DUSP19: variants seen among roughly 807,000 people sequenced by gnomAD.
DUSP19 encodes the protein dual specificity phosphatase 19, also known as dual specificity protein phosphatase 19.
In DUSP19, 14 loss-of-function variants were observed where a neutral mutation model predicts 16.6. That is an observed-to-expected ratio of 0.84 (90% CI 0.56 to 1.32). The LOEUF is 1.32. Ranked by LOEUF, DUSP19 falls within the 40% of genes most tolerant of loss-of-function variation. The pLI, the probability that DUSP19 is intolerant of heterozygous loss-of-function variation, is 0.00. For synonymous variants in DUSP19, 81 were observed against 90.5 expected (o/e 0.90, Z 0.59); for missense variants, 258 against 255.9 (o/e 1.01, Z -0.06).
chr2:183,080,627 C>T (rs1699581206), intron 1 of DUSP19, among the ~76,000 whole-genome samples: 1 of 152,120 alleles, frequency 6.6e-6, no homozygotes, highest in South Asian at 2.1e-4. Context: ...ATATATCATT[C>T]ACCAATTTAG....
In DUSP19 at chr2:183,084,656, A is replaced by G. The variant is rs1699637952; in HGVS notation, c.273+1102A>G. 2.0e-5 allele frequency among the ~76,000 whole-genome samples: 3 copies of G among 152,140 alleles called. No homozygotes were observed. The South Asian group carries it at 6.2e-4, about 32-fold the overall frequency. On this transcript the variant is annotated intron_variant, in intron 2 of 3. Transcript: ENST00000354221. ...TAGTTGTGTGGACTTGATCCAAAAG[A>G]CTATGGAAAGCCACTGAGAAGTTAC...
chr2:183,088,616 T>C (rs1699694483), intron 3 of DUSP19, among the ~76,000 whole-genome samples: 1 of 151,876 alleles, frequency 6.6e-6, no homozygotes. Flanking sequence ...AGAGACAGGG[T>C]TTCACCGTGT....
rs1231761742 is a variant in DUSP19 at position 183,098,957 on chromosome 2, GAGTAC to G, written c.*3304_*3308del. On this transcript the variant is annotated 3_prime_UTR_variant, in exon 4 of 4. Coordinates refer to ENST00000354221, the MANE Select transcript of DUSP19 (RefSeq NM_080876.4). ...AAAGACAAATATTTCAGAGGAAGTG[GAGTAC>G]AGTATTTAACATTTTGTTTGCAATT... 6.6e-6 allele frequency: 1 copy of G among 152,068 alleles called. No individual in the cohort carries two copies. The highest frequency in any genetic ancestry group is 1.5e-5 in the Non-Finnish European group (1 of 67,994). The allele number at this position is 152,068 out of a possible 1,614,324, so 9.4% of individuals were successfully genotyped here. A position where few individuals can be genotyped will look rare whatever the true frequency, so the allele number is the denominator to read the frequency against.
intron 2 of DUSP19, among the ~76,000 whole-genome samples, chr2:183,085,953 C>A (rs1396576090): frequency 7.7e-6 from 1 of 130,690 alleles, no homozygotes; most frequent in Non-Finnish European, 1.6e-5. Context: ...GCAACCTTTA[C>A]CTCCTGGGTT....
intron 3 of DUSP19, among the ~76,000 whole-genome samples, chr2:183,088,496 C>T (rs1422077361): frequency 1.6e-5 from 2 of 121,308 alleles, no homozygotes; most frequent in African/African-American, 6.3e-5. Flanking sequence ...ACCTCCGGCT[C>T]ACTGCAACCT....
intron 3 of DUSP19, among the ~76,000 whole-genome samples, chr2:183,088,445 C>T (rs1378048742): frequency 5.2e-5 from 6 of 115,742 alleles, no homozygotes; most frequent in African/African-American, 1.7e-4. Flanking sequence ...CTCACTCTGT[C>T]GCCAGGCTGG....
rs1307729735 is a variant in DUSP19 at position 183,095,412 on chromosome 2, TTTG to T, written c.427-16_427-14del. On this transcript the variant is annotated splice_polypyrimidine_tract_variant and intron_variant, in intron 3 of 3. Transcript: ENST00000354221. ...CTCAAATGAATAATGAAGATTTTTGTTTGTTTTTTTTTTTGTAGGATGGAGTGG... is the reference window on the plus strand; with the variant it reads ...CTCAAATGAATAATGAAGATTTTTGTTTTTTTTTTTTGTAGGATGGAGTGG... 1.3e-6 allele frequency: 2 copies of T among 1,562,926 alleles called. No homozygotes were observed. The highest frequency in any genetic ancestry group is 1.7e-6 in the Non-Finnish European group (2 of 1,158,896).
At position 183,086,098 on chromosome 2, in the gene DUSP19, A is replaced by G. The variant is rs1699658853; in HGVS notation, c.274-942A>G. On this transcript the variant is annotated intron_variant, in intron 2 of 3. Coordinates refer to ENST00000354221, the MANE Select transcript of DUSP19 (RefSeq NM_080876.4). ...GGAGGTTGCTCAAGTGTACCATCTG[A>G]AAGAAAATATTTTACAACCACACCT... Among the ~76,000 whole-genome samples, 3 of 151,874 alleles carry G rather than the reference A, an allele frequency of 2.0e-5. No individual in the cohort carries two copies. The South Asian group carries it at 6.2e-4, about 32-fold the overall frequency.
At chr2:183,093,721 T>C (rs1699763039) in intron 3 of DUSP19, among the ~76,000 whole-genome samples, 4 of 152,178 alleles carry the variant, frequency 2.6e-5, no homozygotes, top group Admixed American at 2.6e-4. Context: ...GGATGCACAA[T>C]GTGTAAGACT....
chr2:183,083,621 C>T (rs1699622353), intron 2 of DUSP19, 67 bp downstream of exon 2: 3 of 1,358,626 alleles, frequency 2.2e-6, no homozygotes, highest in Admixed American at 2.0e-5. Flanking sequence ...TTAGGAAAAA[C>T]TGTATTGGTC....
At chr2:183,081,453 C>T (rs1699591332) in intron 1 of DUSP19, among the ~76,000 whole-genome samples, 1 of 151,992 alleles carries the variant, frequency 6.6e-6, no homozygotes, top group Admixed American at 6.6e-5. Context: ...TACCATGTTG[C>T]CCAAGCTGGT....
chr2:183,082,220 A>G (rs1419015500), intron 1 of DUSP19, among the ~76,000 whole-genome samples: 1 of 152,190 alleles, frequency 6.6e-6, no homozygotes, highest in African/African-American at 2.4e-5. Flanking sequence ...AAGTTACAAA[A>G]TAAAGAGATG....
At chr2:183,086,583 C>T (rs1227251951) in intron 2 of DUSP19, among the ~76,000 whole-genome samples, 2 of 145,536 alleles carry the variant, frequency 1.4e-5, no homozygotes, top group Non-Finnish European at 3.0e-5. Context: ...GAAGTGGGAG[C>T]ATCACTTGAG....
At chr2:183,093,951 T>C (rs937618553) in intron 3 of DUSP19, among the ~76,000 whole-genome samples, 1 of 152,174 alleles carries the variant, frequency 6.6e-6, no homozygotes, top group African/African-American at 2.4e-5. Context: ...TTTTTAAACA[T>C]CTTAAGTTTT....
intron 3 of DUSP19, among the ~76,000 whole-genome samples, chr2:183,092,011 T>G (rs1309855386): frequency 1.3e-5 from 2 of 152,176 alleles, no homozygotes; most frequent in African/African-American, 4.8e-5. Flanking sequence ...CTCCTCAAAG[T>G]GTTGTCCAGT....
At position 183,099,593 on chromosome 2, in the gene DUSP19, G is replaced by A. The variant is rs1361305731; in HGVS notation, c.*3935G>A. On this transcript the variant is annotated 3_prime_UTR_variant, in exon 4 of 4. Transcript: ENST00000354221. ...CATGTACCCTTTATTGTTTCTAGGT[G>A]TTGATATACTTTAATAAAAATGATA... is the stretch of plus-strand genomic sequence containing the variant. The A allele has an allele frequency of 6.6e-6, 1 of 152,092 alleles. No individual in the cohort carries two copies. The highest frequency in any genetic ancestry group is 1.5e-5 in the Non-Finnish European group (1 of 68,024). The allele number at this position is 152,092 out of a possible 1,614,324, so 9.4% of individuals were successfully genotyped here. A position where few individuals can be genotyped will look rare whatever the true frequency, so the allele number is the denominator to read the frequency against.
rs1332638124 is a variant in DUSP19, at chr2:183,078,811, TA to T, written c.-122del. 3.7e-6 allele frequency: 3 copies of T among 808,118 alleles called. No homozygotes were observed. In the East Asian group the frequency reaches 8.0e-5, roughly 22 times the overall value. 50.1% of individuals were successfully genotyped at this position (808,118 alleles called of 1,614,324 possible). ...TCTCTTGGTCTGTGGCTGCTGCGGTTACCTGGATGGGCGAGCACCTCTGAGG... is the reference window on the plus strand; with the variant it reads ...TCTCTTGGTCTGTGGCTGCTGCGGTTCCTGGATGGGCGAGCACCTCTGAGG... On this transcript the variant is annotated 5_prime_UTR_variant, in exon 1 of 4. Coordinates refer to ENST00000354221, the MANE Select transcript of DUSP19 (RefSeq NM_080876.4).
intron 3 of DUSP19, among the ~76,000 whole-genome samples, chr2:183,093,994 A>G (rs1252939001): frequency 6.6e-6 from 1 of 152,184 alleles, no homozygotes; most frequent in African/African-American, 2.4e-5. Flanking sequence ...AAATGAGAAA[A>G]GTTCCCAAGG....
chr2:183,087,158 A>T lies in DUSP19; in HGVS notation c.392A>T (p.Glu131Val). 1 of 1,613,070 alleles carries T rather than the reference A, an allele frequency of 6.2e-7. No homozygotes were observed. The highest frequency in any genetic ancestry group is 1.7e-5 in the Admixed American group (1 of 59,938). Residue 131 changes from glutamate to valine, a missense_variant, in exon 3 of 4, where the codon GAA (glutamate) becomes GTA (valine). By Grantham distance (121) the Glu-to-Val change is moderately radical (BLOSUM62 -2). Transcript: ENST00000354221. ...PETNILSYFP[E>V]CFEFIEEAKR... ...ACCAACATCCTGTCTTATTTTCCAG[A>T]ATGTTTTGAATTTATTGAAGAAGCA...
Sources: allele counts gnomAD v4.1 joint callset (sites outside exome capture counted in the v4.1 genomes callset), GRCh38; gene constraint gnomAD v4.1.1; transcripts MANE v1.5; gene names NCBI Gene and HGNC (gene_info 2026-07-23, HGNC 2026-07-21).